Variants in RYR3 observed in about 807,000 individuals in gnomAD.
The protein encoded by RYR3 is ryanodine receptor 3.
A neutral mutation model predicts 584.3 loss-of-function variants in RYR3; 207 were observed. That is an observed-to-expected ratio of 0.35 (90% CI 0.32 to 0.40). RYR3 has a LOEUF of 0.40. Ranked by LOEUF, RYR3 falls within the 10% of genes least tolerant of loss-of-function variation. The pLI is 1.00. For missense variants in RYR3, 5,616 were observed against 6,089.2 expected (o/e 0.92, Z 2.59); for synonymous variants, 2,416 against 2,248.5 (o/e 1.07, Z -2.11).
chr15:33,340,041 G>A (rs968288446), intron 1 of RYR3, among the ~76,000 whole-genome samples: 3 of 152,328 alleles, frequency 2.0e-5, no homozygotes, highest in East Asian at 1.9e-4. Context: ...TCCAAAGGGC[G>A]TTTGGCCACT....
chr15:33,811,369 G>A (rs2076531649), intron 72 of RYR3, among the ~76,000 whole-genome samples: 1 of 152,034 alleles, frequency 6.6e-6, no homozygotes, highest in Non-Finnish European at 1.5e-5. Flanking sequence ...GCCGGGCGTG[G>A]TGGCGGGCGC....
At chr15:33,637,338 T>G (rs768903396) in intron 27 of RYR3, among the ~76,000 whole-genome samples, 31 of 152,212 alleles carry the variant, frequency 2.0e-4, no homozygotes, top group Admixed American at 1.4e-3. Flanking sequence ...TGAAATAAAA[T>G]CTAATGTTCT....
At chr15:33,608,937 T>A (rs940569873) in intron 18 of RYR3, among the ~76,000 whole-genome samples, 4 of 152,224 alleles carry the variant, frequency 2.6e-5, no homozygotes, top group Admixed American at 2.0e-4. Flanking sequence ...ATATGGCAGC[T>A]ATGGCTAAAT....
chr15:33,849,660 G>C (rs2078961657), intron 94 of RYR3: 1 of 152,170 alleles, frequency 6.6e-6, no homozygotes, highest in Non-Finnish European at 1.5e-5. Flanking sequence ...AGTAAACAAA[G>C]GTGACTGTGT....
intron 1 of RYR3, among the ~76,000 whole-genome samples, chr15:33,320,649 G>A (rs890383695): frequency 2.0e-5 from 3 of 152,184 alleles, no homozygotes; most frequent in Non-Finnish European, 4.4e-5. Flanking sequence ...CCTTGGGGAA[G>A]TTTCCTTACT....
intron 11 of RYR3, among the ~76,000 whole-genome samples, chr15:33,563,909 A>T (rs1299285187): frequency 2.0e-5 from 3 of 152,244 alleles, no homozygotes; most frequent in African/African-American, 7.2e-5. Context: ...AAGAGACCAC[A>T]TAATCTGGCT....
intron 12 of RYR3, among the ~76,000 whole-genome samples, chr15:33,567,563 C>T (rs886614428): frequency 1.3e-5 from 2 of 152,156 alleles, no homozygotes; most frequent in African/African-American, 4.8e-5. Flanking sequence ...GCTGCTGTTG[C>T]AGTTCAGAGT....
chr15:33,395,738 A>G (rs2141322025), intron 1 of RYR3, among the ~76,000 whole-genome samples: 1 of 152,318 alleles, frequency 6.6e-6, no homozygotes, highest in East Asian at 1.9e-4. Flanking sequence ...TCTCCCTGTT[A>G]AATCCTCTCT....
At chr15:33,764,416 G>A (rs968381941) in intron 60 of RYR3, among the ~76,000 whole-genome samples, 12 of 152,018 alleles carry the variant, frequency 7.9e-5, no homozygotes, top group African/African-American at 1.7e-4. Flanking sequence ...ATCACACACC[G>A]GGGCCTGTCA....
intron 72 of RYR3, among the ~76,000 whole-genome samples, chr15:33,811,276 T>C (rs935742175): frequency 2.0e-5 from 3 of 151,990 alleles, no homozygotes; most frequent in African/African-American, 4.8e-5. Flanking sequence ...GAGGCCGAGG[T>C]GGGCGGATCA....
chr15:33,725,202 CATAT>C lies in RYR3; in HGVS notation c.6912+1030_6912+1033del, dbSNP rs1268378731. On this transcript the variant is annotated intron_variant, in intron 45 of 103. Coordinates refer to ENST00000634891, the MANE Select transcript of RYR3 (RefSeq NM_001036.6). Reference sequence around the variant, plus strand: ...ACACACACACACACACACACACACACATATATACATCCCTTCTTAGGACCCCTCC... The same window carrying C: ...ACACACACACACACACACACACACACATACATCCCTTCTTAGGACCCCTCC... 3.2e-3 allele frequency among the ~76,000 whole-genome samples: 352 copies of C among 111,088 alleles called. 4 individuals are homozygous for C. The highest frequency in any genetic ancestry group is 0.01 in the African/African-American group (327 of 32,486). The allele number at this position is 111,088 out of a possible 152,430, so 72.9% of individuals were successfully genotyped here. A position where few individuals can be genotyped will look rare whatever the true frequency, so the allele number is the denominator to read the frequency against.
At chr15:33,743,663 C>T (rs1189627368) in intron 52 of RYR3, among the ~76,000 whole-genome samples, 1 of 152,184 alleles carries the variant, frequency 6.6e-6, no homozygotes, top group Non-Finnish European at 1.5e-5. Flanking sequence ...CATCACTCAA[C>T]CATGTGGATT....
At chr15:33,645,261 G>T (rs1565934) in intron 28 of RYR3, among the ~76,000 whole-genome samples, 1 of 152,022 alleles carries the variant, frequency 6.6e-6, no homozygotes, top group African/African-American at 2.4e-5. Flanking sequence ...GGCCCTACAT[G>T]GACTAAGACT....
rs1184627962 is a variant in RYR3, at chr15:33,670,432, A to AGAAGAG, written c.5745_5750dup (p.Glu1918_Glu1919dup). 6.2e-7 allele frequency: 1 copy of AGAAGAG among 1,613,702 alleles called. No homozygotes were observed. The highest frequency in any genetic ancestry group is 8.5e-7 in the Non-Finnish European group (1 of 1,179,784). On this transcript the variant is annotated inframe_insertion, in exon 38 of 104. Coordinates refer to ENST00000634891, the MANE Select transcript of RYR3 (RefSeq NM_001036.6). ...GTGGCTTGCTAGGGGTTCCTTTGGA[A>AGAAGAG]GAAGAGGAAGAGGAGGAGGAGGACA...
rs1446507167 is a variant in RYR3, at chr15:33,580,078, G to A, written c.1371G>A (p.Met457Ile). 8 of 1,613,514 alleles carry A rather than the reference G, an allele frequency of 5.0e-6. No homozygotes were observed. The African/African-American group carries it at 8.0e-5, about 16-fold the overall frequency. ...IAYFQPPEEE[M>I]RHEDKQNKLR... is the part of the protein sequence containing the mutation. ...ACTTCCAGCCCCCAGAGGAGGAGAT[G>A]CGACATGAAGACAAGCAGAACAAGC... The change falls in exon 13 of 104, where the codon ATG becomes ATA. Residue 457 changes from methionine (M) to isoleucine (I), a missense_variant. Coordinates refer to ENST00000634891, the MANE Select transcript of RYR3 (RefSeq NM_001036.6).
At chr15:33,586,328 C>G (rs2058846114) in intron 16 of RYR3, among the ~76,000 whole-genome samples, 1 of 152,216 alleles carries the variant, frequency 6.6e-6, no homozygotes, top group Admixed American at 6.5e-5. Flanking sequence ...TTTCCAACAG[C>G]TCCCCAGTCG....
At chr15:33,391,046 A>T (rs537025490) in intron 1 of RYR3, among the ~76,000 whole-genome samples, 5 of 152,102 alleles carry the variant, frequency 3.3e-5, no homozygotes, top group African/African-American at 4.8e-5. Flanking sequence ...GAGTCCCGTG[A>T]CTCCCTCTAG....
chr15:33,707,432 T>C (rs2066797829), intron 43 of RYR3, among the ~76,000 whole-genome samples: 1 of 152,166 alleles, frequency 6.6e-6, no homozygotes, highest in Non-Finnish European at 1.5e-5. Flanking sequence ...GTTGGATGGA[T>C]GGATGGATGA....
chr15:33,593,429 TG>T (rs1246757257), intron 16 of RYR3, among the ~76,000 whole-genome samples: 1 of 151,810 alleles, frequency 6.6e-6, no homozygotes, highest in African/African-American at 2.4e-5. Flanking sequence ...CAGAAAACAG[TG>T]GGGAGGAAGG....
Sources: gnomAD v4.1 joint callset for allele counts (sites outside exome capture counted in the v4.1 genomes callset) on GRCh38, gnomAD v4.1.1 for gene constraint, MANE v1.5 for transcripts, NCBI Gene and HGNC (gene_info 2026-07-23, HGNC 2026-07-21) for gene names.